ACSM2A: variants seen among roughly 807,000 people sequenced by gnomAD.
ACSM2A encodes acyl-CoA synthetase medium chain family member 2A, also known as acyl-coenzyme A synthetase ACSM2A, mitochondrial.
A neutral mutation model predicts 76.6 loss-of-function variants in ACSM2A; 72 were observed. That is an observed-to-expected ratio of 0.94 (90% confidence interval 0.78 to 1.14). The LOEUF is 1.14. Ranked by LOEUF, ACSM2A falls within the 50% of genes most tolerant of loss-of-function variation. The probability of loss-of-function intolerance (pLI) is 0.00; values close to 1 mark genes in which losing one functional copy is unlikely to be tolerated. For missense variants in ACSM2A, 684 were observed against 708.5 expected (o/e 0.97, Z 0.39); for synonymous variants, 249 against 255.9 (o/e 0.97, Z 0.26).
Position 20,471,179 on chromosome 16 carries a change from T to A in ACSM2A, c.703T>A (p.Tyr235Asn). 6.2e-7 allele frequency: 1 copy of A among 1,612,054 alleles called. No individual in the cohort carries two copies. The highest frequency in any genetic ancestry group is 1.1e-5 in the South Asian group (1 of 90,878). ...TCTTCCCAAGATGGCAGAACATTCC[T>A]ACTCGAGCCTGGGCCTCAAGGCCAA... ...SGLPKMAEHS[Y>N]SSLGLKAKMD... The change falls in exon 5 of 14, where the codon TAC becomes AAC. Residue 235 changes from tyrosine (Y) to asparagine (N), a missense_variant. Coordinates refer to ENST00000573854, the MANE Select transcript of ACSM2A (RefSeq NM_001308172.2).
At chr16:20,483,852 G>A (rs1379592284) in intron 13 of ACSM2A, among the ~76,000 whole-genome samples, 1 of 152,092 alleles carries the variant, frequency 6.6e-6, no homozygotes, top group Non-Finnish European at 1.5e-5. Context: ...AAAGTCCAGG[G>A]GTGGGGAAAG....
chr16:20,472,394 A>G (rs1349273470), intron 6 of ACSM2A, among the ~76,000 whole-genome samples: 1 of 152,142 alleles, frequency 6.6e-6, no homozygotes, highest in Non-Finnish European at 1.5e-5. Flanking sequence ...CAGTGCTGGT[A>G]TATCTTCCTT....
chr16:20,478,534 C>T (rs948143357), intron 9 of ACSM2A, 42 bp from the exon 10 acceptor site: 5 of 1,599,756 alleles, frequency 3.1e-6, no homozygotes, highest in Admixed American at 1.7e-5. Flanking sequence ...GAAGCCATCT[C>T]CTGCTGTGTG....
At chr16:20,465,495 A>G (rs774837034) in intron 2 of ACSM2A, 22 bp from the exon 3 acceptor site, 1 of 1,613,154 alleles carries the variant, frequency 6.2e-7, no homozygotes, top group Non-Finnish European at 8.5e-7. Context: ...CCCCCTGATC[A>G]ACAGGGCTTC....
At chr16:20,453,339 A>G (rs2011906020) in intron 1 of ACSM2A, 1 of 151,656 alleles carries the variant, frequency 6.6e-6, no homozygotes, top group African/African-American at 2.4e-5. Context: ...CCCAAAATTA[A>G]TACTTTTATA....
chr16:20,475,478 C>A, intron 7 of ACSM2A, 37 bp downstream of exon 7: 1 of 1,611,986 alleles, frequency 6.2e-7, no homozygotes, highest in South Asian at 1.1e-5. Context: ...AGAGTCTGGC[C>A]CCATCCCCCT....
At position 20,471,626 on chromosome 16, in the gene ACSM2A, G is replaced by C; in HGVS notation, c.831G>C (p.Trp277Cys). 1 of 1,614,018 alleles carries C rather than the reference G, an allele frequency of 6.2e-7. No individual in the cohort carries two copies. Among genetic ancestry groups the C allele is most frequent in the Middle Eastern group, 1.7e-4 (1 of 6,060 alleles). Residue 277 changes from tryptophan to cysteine, a missense_variant, in exon 6 of 14, where the codon TGG becomes TGC. Transcript: ENST00000573854. ...TCTTGTGCTCACTTATGGAACCTTG[G>C]GCATTAGGAGCATGCACATTTGTTC... is the stretch of plus-strand genomic sequence containing the variant. Reference protein sequence around the residue: ...LNILCSLMEPWALGACTFVHL... With the variant: ...LNILCSLMEPCALGACTFVHL...
chr16:20,465,540 A>C lies in ACSM2A; in HGVS notation c.201A>C (p.Pro67=). 3.7e-6 allele frequency: 6 copies of C among 1,613,988 alleles called. No individual in the cohort carries two copies. Among genetic ancestry groups the C allele is most frequent in the Non-Finnish European group, 4.2e-6 (5 of 1,179,874 alleles). The change falls in exon 3 of 14, where the codon CCA becomes CCC. Residue 67 remains proline, a synonymous_variant. Coordinates refer to ENST00000573854, the MANE Select transcript of ACSM2A (RefSeq NM_001308172.2). The part of the protein sequence containing the change: ...MEKAGKRLPS[P]ALWWVNGKGK... The stretch of plus-strand genomic sequence containing the variant: ...AGGCTGGCAAGCGACTCCCAAGCCC[A>C]GCCCTGTGGTGGGTGAATGGGAAGG...
chr16:20,476,362 C>A, intron 8 of ACSM2A: 1 of 981,922 alleles, frequency 1.0e-6, no homozygotes. Context: ...TCTCCTTTTT[C>A]CAGTGCCTCT....
chr16:20,483,832 A>G (rs2014251137), intron 13 of ACSM2A, among the ~76,000 whole-genome samples: 1 of 152,102 alleles, frequency 6.6e-6, no homozygotes, highest in African/African-American at 2.4e-5. Flanking sequence ...TTTATTGCTC[A>G]TGCAATTGAA....
At chr16:20,483,601 A>AAAAAAAAAC (rs1432023504) in intron 13 of ACSM2A, among the ~76,000 whole-genome samples, 2 of 141,120 alleles carry the variant, frequency 1.4e-5, no homozygotes, top group Non-Finnish European at 3.0e-5. Flanking sequence ...AAAAAAAAAA[A>AAAAAAAAAC]AGTCTTTCTA....
chr16:20,476,991 T>G (rs1469498163), intron 8 of ACSM2A: 3 of 181,020 alleles, frequency 1.7e-5, no homozygotes, highest in Non-Finnish European at 3.3e-5. Flanking sequence ...CCACAAAAAT[T>G]CAAAATAAAA....
At chr16:20,468,432 A>T (rs1430008128) in intron 3 of ACSM2A, among the ~76,000 whole-genome samples, 1 of 152,132 alleles carries the variant, frequency 6.6e-6, no homozygotes, top group Admixed American at 6.5e-5. Context: ...TCAGTGGTGC[A>T]ATTTTGGCTC....
chr16:20,460,467 G>A (rs2012552434), intron 2 of ACSM2A, among the ~76,000 whole-genome samples, 176 bp downstream of exon 2: 1 of 152,206 alleles, frequency 6.6e-6, no homozygotes, highest in Non-Finnish European at 1.5e-5. Context: ...GACAGCATGA[G>A]CTTGGAAGGA....
chr16:20,465,079 C>A (rs1238497278), intron 2 of ACSM2A, among the ~76,000 whole-genome samples: 3 of 152,132 alleles, frequency 2.0e-5, no homozygotes, highest in South Asian at 2.1e-4. Flanking sequence ...CATGTTGGTA[C>A]TCACAACAGA....
intron 3 of ACSM2A, among the ~76,000 whole-genome samples, chr16:20,466,805 AATGATGTAAT>A (rs2013026894): frequency 6.6e-6 from 1 of 152,192 alleles, no homozygotes; most frequent in African/African-American, 2.4e-5. Context: ...GGTTTACCAT[AATGATGTAAT>A]CTATAGGAGA....
intron 12 of ACSM2A, chr16:20,482,486 T>C (rs1387422944): frequency 1.3e-5 from 2 of 152,646 alleles, no homozygotes; most frequent in African/African-American, 2.4e-5. Context: ...ATCAGTGTCC[T>C]AGCACATTCC....
intron 3 of ACSM2A, among the ~76,000 whole-genome samples, chr16:20,466,963 C>T (rs1294547499): frequency 6.6e-6 from 1 of 152,178 alleles, no homozygotes; most frequent in African/African-American, 2.4e-5. Context: ...CAGGAAAGAG[C>T]TATTATCATT....
chr16:20,458,612 A>C (rs1183985318), intron 1 of ACSM2A, among the ~76,000 whole-genome samples: 1 of 143,260 alleles, frequency 7.0e-6, no homozygotes, highest in Non-Finnish European at 1.5e-5. Context: ...ATATATATAT[A>C]TGTATTTTTT....
Sources: allele counts gnomAD v4.1 joint callset (sites outside exome capture counted in the v4.1 genomes callset), GRCh38; gene constraint gnomAD v4.1.1; transcripts MANE v1.5; gene names NCBI Gene and HGNC (gene_info 2026-07-23, HGNC 2026-07-21).